ADCY5: variants seen among roughly 807,000 people sequenced by gnomAD.
ADCY5 encodes adenylate cyclase 5.
ADCY5 carries 30 observed loss-of-function variants against 119.7 expected under a neutral mutation model. The ratio of observed to expected loss-of-function variants is 0.25; its 90% confidence interval spans 0.19 to 0.34. The LOEUF is 0.34. Ranked by LOEUF, ADCY5 falls within the 10% of genes least tolerant of loss-of-function variation. ADCY5 has a pLI of 1.00. For missense variants in ADCY5, 1,324 were observed against 1,775.2 expected (o/e 0.75, Z 4.57); for synonymous variants, 753 against 762.2 (o/e 0.99, Z 0.20).
chr3:123,423,238 A>C (rs967139371), intron 1 of ADCY5, among the ~76,000 whole-genome samples: 1 of 152,158 alleles, frequency 6.6e-6, no homozygotes, highest in Non-Finnish European at 1.5e-5. Flanking sequence ...CACGAGCCCA[A>C]GCTGGGCACA....
At chr3:123,427,974 T>C (rs1945446514) in intron 1 of ADCY5, among the ~76,000 whole-genome samples, 1 of 152,084 alleles carries the variant, frequency 6.6e-6, no homozygotes, top group Non-Finnish European at 1.5e-5. Context: ...AAAGTCAAGT[T>C]AGGGATGATG....
chr3:123,315,750 G>A (rs543892914), intron 11 of ADCY5, among the ~76,000 whole-genome samples: 10 of 152,090 alleles, frequency 6.6e-5, no homozygotes, highest in African/African-American at 9.6e-5. Flanking sequence ...TGATTTTTGC[G>A]TCACCACGCC....
intron 1 of ADCY5, among the ~76,000 whole-genome samples, chr3:123,365,552 T>C (rs1290180678): frequency 6.6e-6 from 1 of 152,206 alleles, no homozygotes; most frequent in Non-Finnish European, 1.5e-5. Context: ...GATGTATCTA[T>C]GGGAAGAAGA....
chr3:123,314,408 C>T (rs1434836815), intron 11 of ADCY5, 86 bp from the exon 12 acceptor site: 5 of 1,077,124 alleles, frequency 4.6e-6, no homozygotes, highest in Middle Eastern at 2.5e-4. Context: ...AAGCAGGCCA[C>T]AGGTCCCCCG....
Position 123,283,139 on chromosome 3 carries a change from T to C in ADCY5, c.*1469A>G, listed in dbSNP as rs1250888843. The C allele has an allele frequency of 6.6e-6, 1 of 152,216 alleles. No individual in the cohort carries two copies. Among genetic ancestry groups the C allele is most frequent in the Non-Finnish European group, 1.5e-5 (1 of 68,060 alleles). The allele number at this position is 152,216 out of a possible 1,614,324, so 9.4% of individuals were successfully genotyped here. A position where few individuals can be genotyped will look rare whatever the true frequency, so the allele number is the denominator to read the frequency against. ...CGGTGGAGGTCAAGGCCACTCCCTTTCCGCAAACCTGAAGGCTGCACATTG... is the reference window on the plus strand; with the variant it reads ...CGGTGGAGGTCAAGGCCACTCCCTTCCCGCAAACCTGAAGGCTGCACATTG... On this transcript the variant is annotated 3_prime_UTR_variant, in exon 21 of 21. Coordinates refer to ENST00000462833, the MANE Select transcript of ADCY5 (RefSeq NM_183357.3).
chr3:123,333,995 G>A (rs1941904168), intron 3 of ADCY5, among the ~76,000 whole-genome samples: 1 of 152,180 alleles, frequency 6.6e-6, no homozygotes, highest in Admixed American at 6.5e-5. Context: ...GCTGGTGATA[G>A]ATCTTTCACC....
rs184289336 is a variant in ADCY5, at chr3:123,368,196, G to A, written c.1135-15615C>T. On this transcript the variant is annotated intron_variant, in intron 1 of 20. Coordinates refer to ENST00000462833, the MANE Select transcript of ADCY5 (RefSeq NM_183357.3). The stretch of plus-strand genomic sequence containing the variant: ...CTATAATGGAGCTAATGACGCCTGC[G>A]AATAAGACACCAATGCTAACACGGT... 5.5e-5 allele frequency: 32 copies of A among 580,652 alleles called. No homozygotes were observed. In the East Asian group the frequency reaches 6.9e-4, roughly 13 times the overall value. The allele number at this position is 580,652 out of a possible 1,614,324, so 36.0% of individuals were successfully genotyped here. A position where few individuals can be genotyped will look rare whatever the true frequency, so the allele number is the denominator to read the frequency against.
chr3:123,304,617 T>C (rs1298109120), intron 12 of ADCY5, among the ~76,000 whole-genome samples: 1 of 151,876 alleles, frequency 6.6e-6, no homozygotes, highest in Admixed American at 6.5e-5. Flanking sequence ...GCGGTGAGTT[T>C]AAGGATTTGG....
chr3:123,406,548 C>T (rs750526867), intron 1 of ADCY5, among the ~76,000 whole-genome samples: 10 of 152,170 alleles, frequency 6.6e-5, no homozygotes, highest in East Asian at 1.9e-4. Context: ...ATCAGCAAAG[C>T]GGCGTTTTCA....
At chr3:123,373,994 AC>A (rs1011903479) in intron 1 of ADCY5, among the ~76,000 whole-genome samples, 1 of 152,212 alleles carries the variant, frequency 6.6e-6, no homozygotes, top group Non-Finnish European at 1.5e-5. Context: ...AGGCAACAGT[AC>A]ATGGGCAGCA....
Position 123,448,368 on chromosome 3 carries a change from C to G in ADCY5, c.178G>C (p.Ala60Pro). ...ARGSTKKPGG[A>P]VTPQQQQRLA... ...CGCTGCTGCTGCTGCGGGGTCACCG[C>G]CCCCCCGGGTTTCTTGGTGGAGCCG... Residue 60 changes from alanine to proline, a missense_variant, in exon 1 of 21, where the codon GCG (alanine) becomes CCG (proline). Coordinates refer to ENST00000462833, the MANE Select transcript of ADCY5 (RefSeq NM_183357.3). 6.7e-7 allele frequency: 1 copy of G among 1,485,800 alleles called. No homozygotes were observed. The highest frequency in any genetic ancestry group is 8.9e-7 in the Non-Finnish European group (1 of 1,128,848). The allele number at this position is 1,485,800 out of a possible 1,614,324, so 92.0% of individuals were successfully genotyped here. A position where few individuals can be genotyped will look rare whatever the true frequency, so the allele number is the denominator to read the frequency against.
chr3:123,330,793 T>G, intron 5 of ADCY5, 96 bp downstream of exon 5: 1 of 1,452,046 alleles, frequency 6.9e-7, no homozygotes, highest in Non-Finnish European at 9.2e-7. Context: ...CCCCACTGTT[T>G]CCCTGCCTCC....
chr3:123,361,020 C>T (rs577286820), intron 1 of ADCY5, among the ~76,000 whole-genome samples: 97 of 152,300 alleles, frequency 6.4e-4, no homozygotes, highest in African/African-American at 1.3e-3. Context: ...ACAGCTCATC[C>T]TACTCTACTG....
intron 1 of ADCY5, among the ~76,000 whole-genome samples, chr3:123,372,439 G>A (rs1943673368): frequency 6.6e-6 from 1 of 152,186 alleles, no homozygotes; most frequent in South Asian, 2.1e-4. Context: ...CCCAGGCAAG[G>A]AGATAGGAGA....
rs560492084 is a variant in ADCY5 at position 123,331,137 on chromosome 3, C to T, written c.1519-121G>A. On this transcript the variant is annotated intron_variant, in intron 4 of 20. Transcript: ENST00000462833. ...ATAACTTGCCTTTTAGGGCAGTGAG[C>T]GCAGGCCCACGCCGGAACTCGGCAT... is the stretch of plus-strand genomic sequence containing the variant. 9.1e-5 allele frequency: 96 copies of T among 1,060,514 alleles called. 2 individuals carry two copies. The South Asian group carries it at 1.2e-3, about 14-fold the overall frequency. The allele number at this position is 1,060,514 out of a possible 1,614,324, so 65.7% of individuals were successfully genotyped here. A position where few individuals can be genotyped will look rare whatever the true frequency, so the allele number is the denominator to read the frequency against.
At chr3:123,424,956 G>T (rs1945374599) in intron 1 of ADCY5, among the ~76,000 whole-genome samples, 1 of 152,244 alleles carries the variant, frequency 6.6e-6, no homozygotes, top group South Asian at 2.1e-4. Context: ...AAGAAAAAAA[G>T]GTTCATTTCG....
chr3:123,338,625 C>G (rs907507513), intron 3 of ADCY5, among the ~76,000 whole-genome samples: 7 of 152,204 alleles, frequency 4.6e-5, no homozygotes, highest in African/African-American at 1.7e-4. Context: ...GCCCTCATGG[C>G]GGGTGCACAG....
At chr3:123,316,749 G>A (rs1197423654) in intron 11 of ADCY5, among the ~76,000 whole-genome samples, 1 of 152,182 alleles carries the variant, frequency 6.6e-6, no homozygotes, top group African/African-American at 2.4e-5. Context: ...GGACTGGGTA[G>A]TAGATGATAG....
At chr3:123,386,182 G>T (rs1305802569) in intron 1 of ADCY5, among the ~76,000 whole-genome samples, 1 of 152,206 alleles carries the variant, frequency 6.6e-6, no homozygotes, top group African/African-American at 2.4e-5. Flanking sequence ...GGACAGGAGG[G>T]CACAGGGCCA....
Sources: gnomAD v4.1 joint callset for allele counts (sites outside exome capture counted in the v4.1 genomes callset) on GRCh38, gnomAD v4.1.1 for gene constraint, MANE v1.5 for transcripts, NCBI Gene and HGNC (gene_info 2026-07-23, HGNC 2026-07-21) for gene names.